Variants in SPATS2L observed in about 807,000 individuals in gnomAD.
The protein encoded by SPATS2L is SPATS2-like protein.
In SPATS2L, 30 loss-of-function variants were observed where a neutral mutation model predicts 59.6. The ratio of observed to expected loss-of-function variants is 0.50; its 90% CI spans 0.38 to 0.68. SPATS2L has a LOEUF of 0.68. Among genes scored for constraint, SPATS2L ranks in the 30% least tolerant of loss-of-function variants. The pLI, the probability that SPATS2L is intolerant of heterozygous loss-of-function variation, is 0.00. For missense variants in SPATS2L, 615 were observed against 700.0 expected (o/e 0.88, Z 1.37); for synonymous variants, 252 against 263.5 (o/e 0.96, Z 0.42).
intron 2 of SPATS2L, among the ~76,000 whole-genome samples, chr2:200,357,534 T>C (rs1010434781): frequency 8.5e-5 from 13 of 152,216 alleles, no homozygotes; most frequent in African/African-American, 2.9e-4. Context: ...ACTATACAAC[T>C]TATCTGATTT....
intron 3 of SPATS2L, among the ~76,000 whole-genome samples, chr2:200,400,660 A>G (rs957860805): frequency 6.6e-6 from 1 of 152,236 alleles, no homozygotes; most frequent in Non-Finnish European, 1.5e-5. Flanking sequence ...TACTCAAATC[A>G]GTCTCCAATT....
At chr2:200,448,027 C>T (rs2085167526) in intron 8 of SPATS2L, among the ~76,000 whole-genome samples, 1 of 152,168 alleles carries the variant, frequency 6.6e-6, no homozygotes. Context: ...GTCCTTTAGT[C>T]CCAGCTACTC....
chr2:200,408,941 C>T (rs2082779498), intron 3 of SPATS2L, among the ~76,000 whole-genome samples: 1 of 152,198 alleles, frequency 6.6e-6, no homozygotes, highest in Non-Finnish European at 1.5e-5. Context: ...AATACGGGAA[C>T]ATAATTTTGG....
At chr2:200,444,268 G>A (rs1158285250) in intron 8 of SPATS2L, among the ~76,000 whole-genome samples, 1 of 152,130 alleles carries the variant, frequency 6.6e-6, no homozygotes. Flanking sequence ...CTGTGTCTGT[G>A]TGTCCAAGTT....
intron 2 of SPATS2L, among the ~76,000 whole-genome samples, chr2:200,371,592 A>T (rs2081427766): frequency 6.6e-6 from 1 of 152,254 alleles, no homozygotes; most frequent in African/African-American, 2.4e-5. Flanking sequence ...GGGTGAGAAG[A>T]CTCCAGACTA....
chr2:200,325,971 T>C (rs2105783205), intron 1 of SPATS2L, among the ~76,000 whole-genome samples: 1 of 152,362 alleles, frequency 6.6e-6, no homozygotes, highest in Middle Eastern at 3.4e-3. Flanking sequence ...ACTTAAAATA[T>C]TTCACCTCTC....
chr2:200,341,772 C>A (rs1049072750), intron 2 of SPATS2L, among the ~76,000 whole-genome samples: 1 of 151,574 alleles, frequency 6.6e-6, no homozygotes, highest in Non-Finnish European at 1.5e-5. Context: ...TCACTGCAAC[C>A]TCCGCCTCCT....
chr2:200,324,411 A>T (rs2079664111), intron 1 of SPATS2L, among the ~76,000 whole-genome samples: 1 of 152,206 alleles, frequency 6.6e-6, no homozygotes, highest in Non-Finnish European at 1.5e-5. Context: ...GGTGAGGGTC[A>T]ACCTGCTTGC....
At chr2:200,405,685 A>G (rs2082666780) in intron 3 of SPATS2L, among the ~76,000 whole-genome samples, 1 of 152,210 alleles carries the variant, frequency 6.6e-6, no homozygotes, top group African/African-American at 2.4e-5. Context: ...ATGGCTCAGC[A>G]TTTGAGAAAT....
intron 6 of SPATS2L, among the ~76,000 whole-genome samples, chr2:200,434,737 C>T (rs1171709300): frequency 6.6e-6 from 1 of 152,010 alleles, no homozygotes; most frequent in Non-Finnish European, 1.5e-5. Flanking sequence ...TGTCGAGGGT[C>T]AAAAGACTCA....
chr2:200,412,927 C>T (rs935758592), intron 4 of SPATS2L, among the ~76,000 whole-genome samples: 1 of 152,110 alleles, frequency 6.6e-6, no homozygotes, highest in African/African-American at 2.4e-5. Flanking sequence ...CATAGTAATG[C>T]ACGCCTGTAG....
chr2:200,343,555 C>A (rs530989087), intron 2 of SPATS2L, among the ~76,000 whole-genome samples: 2 of 152,114 alleles, frequency 1.3e-5, no homozygotes, highest in East Asian at 3.9e-4. Context: ...GTTTTTAATC[C>A]TTTAAAATAT....
intron 3 of SPATS2L, among the ~76,000 whole-genome samples, chr2:200,408,013 G>A (rs2082746612): frequency 6.6e-6 from 1 of 152,178 alleles, no homozygotes; most frequent in African/African-American, 2.4e-5. Flanking sequence ...CCCTCACGTT[G>A]CCTACCATCT....
intron 8 of SPATS2L, among the ~76,000 whole-genome samples, chr2:200,445,153 GA>G (rs138162816): frequency 0.043 from 6,414 of 148,082 alleles, 193 homozygotes; most frequent in Middle Eastern, 0.091. Flanking sequence ...TCTACAAAAA[GA>G]AAAAAAAAAT....
At chr2:200,331,553 G>A (rs556311429) in intron 2 of SPATS2L, among the ~76,000 whole-genome samples, 51 of 152,346 alleles carry the variant, frequency 3.3e-4, no homozygotes, top group African/African-American at 1.2e-3. Flanking sequence ...GCAAGGTAGT[G>A]TAGGGAATAT....
At chr2:200,462,386 C>T (rs2086299852) in intron 9 of SPATS2L, among the ~76,000 whole-genome samples, 1 of 152,218 alleles carries the variant, frequency 6.6e-6, no homozygotes, top group Non-Finnish European at 1.5e-5. Context: ...AAACAGCAAA[C>T]AGACAAATGT....
At chr2:200,314,260 G>T (rs1472515789) in intron 1 of SPATS2L, among the ~76,000 whole-genome samples, 1 of 152,158 alleles carries the variant, frequency 6.6e-6, no homozygotes, top group African/African-American at 2.4e-5. Flanking sequence ...TAAAACCCAG[G>T]ACAACTTCTT....
At chr2:200,355,925 T>C (rs2080899775) in intron 2 of SPATS2L, among the ~76,000 whole-genome samples, 1 of 152,228 alleles carries the variant, frequency 6.6e-6, no homozygotes. Flanking sequence ...CTTTAGAGAT[T>C]AAGATTATCG....
intron 10 of SPATS2L, among the ~76,000 whole-genome samples, chr2:200,468,551 C>A (rs1207095306): frequency 6.6e-6 from 1 of 152,198 alleles, no homozygotes; most frequent in Non-Finnish European, 1.5e-5. Flanking sequence ...AAGCGGGCCC[C>A]ATGGGGAAGA....
Sources: allele counts gnomAD v4.1 joint callset (sites outside exome capture counted in the v4.1 genomes callset), GRCh38; gene constraint gnomAD v4.1.1; transcripts MANE v1.5; gene names NCBI Gene and HGNC (gene_info 2026-07-23, HGNC 2026-07-21).